The following MAML3 variants were observed in gnomAD, a reference collection of about 807,000 sequenced individuals.
MAML3 encodes the protein mastermind like transcriptional coactivator 3, also known as mastermind-like protein 3.
A neutral mutation model predicts 101.9 loss-of-function variants in MAML3; 27 were observed. That is an observed-to-expected ratio of 0.27 (90% CI 0.20 to 0.37). The LOEUF is 0.37. MAML3 is among the 10% of genes least tolerant of loss of function. The pLI is 1.00. For synonymous variants in MAML3, 501 were observed against 555.9 expected, an observed-to-expected ratio of 0.90 and a Z score of 1.39; for missense variants, 1,316 against 1,444.9, an observed-to-expected ratio of 0.91 and a Z score of 1.45.
chr4:139,746,261 T>C (rs991099747), intron 2 of MAML3, among the ~76,000 whole-genome samples: 2 of 152,196 alleles, frequency 1.3e-5, no homozygotes, highest in African/African-American at 4.8e-5. Context: ...AAATCTGAAC[T>C]AGAGATGGTA....
chr4:139,749,894 C>T (rs867396722), intron 2 of MAML3, among the ~76,000 whole-genome samples: 2 of 107,890 alleles, frequency 1.9e-5, no homozygotes, highest in African/African-American at 8.7e-5. Context: ...AACCCCCCCC[C>T]ACCCTATTCT....
At chr4:139,908,806 G>T (rs1030936845) in intron 1 of MAML3, among the ~76,000 whole-genome samples, 4 of 152,202 alleles carry the variant, frequency 2.6e-5, no homozygotes, top group Admixed American at 2.6e-4. Flanking sequence ...TCTTAGGTTT[G>T]TTGGAACTCT....
At chr4:139,988,503 G>C (rs557280704) in intron 1 of MAML3, among the ~76,000 whole-genome samples, 117 of 152,156 alleles carry the variant, frequency 7.7e-4, no homozygotes, top group African/African-American at 2.6e-3. Context: ...AGTTTTTCCA[G>C]ACAAGCAAAA....
At chr4:139,786,511 G>C (rs763999938) in intron 2 of MAML3, among the ~76,000 whole-genome samples, 3 of 152,220 alleles carry the variant, frequency 2.0e-5, no homozygotes, top group Non-Finnish European at 4.4e-5. Flanking sequence ...CTAAATACCT[G>C]TAAAAGTGTG....
intron 1 of MAML3, among the ~76,000 whole-genome samples, chr4:140,020,187 T>G (rs1361550131): frequency 1.3e-5 from 2 of 152,208 alleles, no homozygotes; most frequent in African/African-American, 2.4e-5. Flanking sequence ...TATTCAGTGT[T>G]AAGTATTAAC....
At chr4:139,852,403 G>GTTTTTTTTTTTTTTTTTTT (rs67349785) in intron 2 of MAML3, among the ~76,000 whole-genome samples, 1 of 68,326 alleles carries the variant, frequency 1.5e-5, no homozygotes, top group African/African-American at 6.7e-5. Flanking sequence ...TCAGAAGACT[G>GTTTTTTTTTTTTTTTTTTT]TTTTTTTTTT....
At chr4:139,883,681 A>G (rs772185145) in intron 2 of MAML3, among the ~76,000 whole-genome samples, 1 of 152,016 alleles carries the variant, frequency 6.6e-6, no homozygotes, top group African/African-American at 2.4e-5. Flanking sequence ...GACAACATGG[A>G]AGTGGCTGCC....
chr4:140,130,026 C>T (rs559667410), intron 1 of MAML3, among the ~76,000 whole-genome samples: 17 of 151,658 alleles, frequency 1.1e-4, no homozygotes, highest in East Asian at 1.9e-4. Context: ...CTAATGAATC[C>T]GCAATTGTGG....
intron 1 of MAML3, among the ~76,000 whole-genome samples, chr4:139,894,511 A>AAAAG (rs58209239): frequency 0.22 from 29,475 of 136,192 alleles, 3,251 homozygotes; most frequent in South Asian, 0.3. Flanking sequence ...TCCATCTTAA[A>AAAAG]AAAGAAAGAA....
At chr4:139,754,399 T>G (rs2111045418) in intron 2 of MAML3, among the ~76,000 whole-genome samples, 1 of 152,336 alleles carries the variant, frequency 6.6e-6, no homozygotes, top group South Asian at 2.1e-4. Flanking sequence ...AGTCACTCAA[T>G]GTATTTCCAA....
At chr4:139,913,226 G>C (rs1732963341) in intron 1 of MAML3, among the ~76,000 whole-genome samples, 1 of 152,158 alleles carries the variant, frequency 6.6e-6, no homozygotes, top group African/African-American at 2.4e-5. Context: ...CAGTATCCTG[G>C]GGCAGAAATA....
chr4:139,980,603 G>A (rs558844802), intron 1 of MAML3, among the ~76,000 whole-genome samples: 1 of 152,286 alleles, frequency 6.6e-6, no homozygotes, highest in South Asian at 2.1e-4. Context: ...TAATGATCGA[G>A]TTAAGTTGTC....
intron 1 of MAML3, among the ~76,000 whole-genome samples, chr4:140,112,452 A>G (rs1728453077): frequency 6.6e-6 from 1 of 152,268 alleles, no homozygotes; most frequent in Non-Finnish European, 1.5e-5. Flanking sequence ...GAATGGAAAC[A>G]TCACTGGTCA....
chr4:139,849,204 C>T (rs1164144841), intron 2 of MAML3, among the ~76,000 whole-genome samples: 1 of 152,072 alleles, frequency 6.6e-6, no homozygotes. Context: ...AATGAACAAA[C>T]ATAGGTATTA....
In MAML3 at chr4:140,060,365, CAAAAAA is replaced by C. The variant is rs70943471; in HGVS notation, c.468+92489_468+92494del. ...TGGGCGACAGAGTAAGACTCTGTCTCAAAAAAAAAAAAAAAAAAAAGTCACAAGCCT... is the reference window on the plus strand; with the variant it reads ...TGGGCGACAGAGTAAGACTCTGTCTCAAAAAAAAAAAAAAGTCACAAGCCT... On this transcript the variant is annotated intron_variant, in intron 1 of 4. Coordinates refer to ENST00000509479, the MANE Select transcript of MAML3 (RefSeq NM_018717.5). Among the ~76,000 whole-genome samples, 105 of 19,124 alleles carry C rather than the reference CAAAAAA, an allele frequency of 5.5e-3. 8 individuals carry two copies. The highest frequency in any genetic ancestry group is 8.0e-3 in the African/African-American group (45 of 5,634). The allele number at this position is 19,124 out of a possible 152,430, so 12.5% of individuals were successfully genotyped here.
rs546088712 is a variant in MAML3 at position 139,745,034 on chromosome 4, C to A, written c.2080-14367G>T. 7.7e-4 allele frequency among the ~76,000 whole-genome samples: 117 copies of A among 152,344 alleles called. 1 individual carries two copies. The highest frequency in any genetic ancestry group is 2.5e-3 in the African/African-American group (106 of 41,578). ...AGGTAATCTCCAAGGTTTCTACTCG[C>A]TCTAACATTTCTCTGGTTCCACTTG... On this transcript the variant is annotated intron_variant, in intron 2 of 4. Transcript: ENST00000509479.
chr4:140,091,533 A>AAC (rs1274635476), intron 1 of MAML3, among the ~76,000 whole-genome samples: 13 of 97,818 alleles, frequency 1.3e-4, no homozygotes, highest in African/African-American at 3.9e-4. Flanking sequence ...ACAAAACAAC[A>AAC]AAACAAAAAC....
At chr4:139,723,835 T>C (rs1728358737) in intron 4 of MAML3, among the ~76,000 whole-genome samples, 1 of 152,226 alleles carries the variant, frequency 6.6e-6, no homozygotes, top group Non-Finnish European at 1.5e-5. Flanking sequence ...GTTCCCTAGC[T>C]AGCAAAATCA....
rs114717646 is a variant in MAML3, at chr4:139,950,005, T to G, written c.469-59038A>C. 6.6e-3 allele frequency among the ~76,000 whole-genome samples: 1,003 copies of G among 152,338 alleles called. 10 individuals carry two copies. Among genetic ancestry groups the G allele is most frequent in the African/African-American group, 0.023 (954 of 41,580 alleles). Reference sequence around the variant, plus strand: ...GACTGCAACACAGAAAACCTGCCTATGCTTCCAGCCTGCAGATTTTGGACT... The same window carrying G: ...GACTGCAACACAGAAAACCTGCCTAGGCTTCCAGCCTGCAGATTTTGGACT... On this transcript the variant is annotated intron_variant, in intron 1 of 4. Coordinates refer to ENST00000509479, the MANE Select transcript of MAML3 (RefSeq NM_018717.5).
Sources: allele counts gnomAD v4.1 joint callset (sites outside exome capture counted in the v4.1 genomes callset), GRCh38; gene constraint gnomAD v4.1.1; transcripts MANE v1.5; gene names NCBI Gene and HGNC (gene_info 2026-07-23, HGNC 2026-07-21).